The following CARD10 variants were observed in gnomAD, a reference collection of about 807,000 sequenced individuals.
CARD10 encodes caspase recruitment domain-containing protein 10.
Under a neutral mutation model 114.6 loss-of-function variants are expected in CARD10, and 49 were observed. The observed-to-expected ratio is 0.43, with a 90% CI of 0.34 to 0.54. The LOEUF (loss-of-function observed/expected upper bound fraction) is 0.54. Among genes scored for constraint, CARD10 ranks in the 20% least tolerant of loss-of-function variants. The pLI is 0.03. For synonymous variants in CARD10, 602 were observed against 593.2 expected, an observed-to-expected ratio of 1.01 and a Z score of -0.21; for missense variants, 1,206 against 1,397.2, an observed-to-expected ratio of 0.86 and a Z score of 2.18.
At chr22:37,498,561 G>A (rs1300290246) in intron 11 of CARD10, among the ~76,000 whole-genome samples, 5 of 152,178 alleles carry the variant, frequency 3.3e-5, no homozygotes, top group African/African-American at 9.7e-5. Flanking sequence ...GGGAGGGCGC[G>A]GCTGCAAGGA....
At chr22:37,508,495 G>C (rs754455769) in intron 5 of CARD10, 32 bp downstream of exon 5, 1 of 1,557,368 alleles carries the variant, frequency 6.4e-7, no homozygotes, top group South Asian at 1.2e-5. Context: ...ACACCCTCCC[G>C]CACAAGGGGC....
intron 9 of CARD10, among the ~76,000 whole-genome samples, chr22:37,503,828 C>T (rs773313570): frequency 2.0e-5 from 3 of 152,196 alleles, no homozygotes; most frequent in Admixed American, 6.5e-5. Flanking sequence ...AAACCTGGGG[C>T]CTGGCTTTCT....
Position 37,515,563 on chromosome 22 carries a change from CAA to C in CARD10, c.699+408_699+409del, listed in dbSNP as rs754752709. Among the ~76,000 whole-genome samples the C allele has an allele frequency of 9.5e-3, 697 of 73,680 alleles. 3 individuals are homozygous for C. The highest frequency in any genetic ancestry group is 0.027 in the East Asian group (64 of 2,384). The allele number at this position is 73,680 out of a possible 152,430, so 48.3% of individuals were successfully genotyped here. A position where few individuals can be genotyped will look rare whatever the true frequency, so the allele number is the denominator to read the frequency against. On this transcript the variant is annotated intron_variant, in intron 3 of 19. Coordinates refer to ENST00000251973, the MANE Select transcript of CARD10 (RefSeq NM_014550.4). ...GGGCAACAAGGGTGAGACTCCATCT[CAA>C]AAAAAAAAAAAAAAAAAACAACTTA...
At chr22:37,498,218 G>A (rs1359530561) in intron 11 of CARD10, among the ~76,000 whole-genome samples, 1 of 152,176 alleles carries the variant, frequency 6.6e-6, no homozygotes, top group African/African-American at 2.4e-5. Context: ...CAGCTCCCAG[G>A]AAAGGCAAGC....
chr22:37,495,493 C>G (rs771948588), intron 15 of CARD10, 24 bp downstream of exon 15: 67 of 1,591,348 alleles, frequency 4.2e-5, no homozygotes, highest in Non-Finnish European at 5.6e-5. Flanking sequence ...GCCCCCCACC[C>G]ACTACCTGCC....
rs1923004075 is a variant in CARD10, at chr22:37,496,381, C to T, written c.2059+68G>A. 2.2e-5 allele frequency: 26 copies of T among 1,177,632 alleles called. No homozygotes were observed. Among genetic ancestry groups the T allele is most frequent in the Non-Finnish European group, 3.2e-5 (26 of 811,006 alleles). The allele number at this position is 1,177,632 out of a possible 1,614,324, so 72.9% of individuals were successfully genotyped here. ...CCTTCTCAGGTCCTTGGTCCCTCCCCACCCCATGCACCACGGGTTAGAGGA... is the reference window on the plus strand; with the variant it reads ...CCTTCTCAGGTCCTTGGTCCCTCCCTACCCCATGCACCACGGGTTAGAGGA... On this transcript the variant is annotated intron_variant, in intron 13 of 19. Transcript: ENST00000251973. The surrounding 1 kb of genome is among the most constrained non-coding windows in gnomAD (Gnocchi z 4.1).
chr22:37,512,746 G>A (rs1006999410), intron 3 of CARD10, among the ~76,000 whole-genome samples: 5 of 152,096 alleles, frequency 3.3e-5, no homozygotes, highest in African/African-American at 9.7e-5. Context: ...CTGGCCAGCC[G>A]GCTTCCCTGA....
rs774723864 is a variant in CARD10 at position 37,518,130 on chromosome 22, T to C, written c.236-22A>G. 2.6e-5 allele frequency: 42 copies of C among 1,608,482 alleles called. 1 individual carries two copies. Among genetic ancestry groups the C allele is most frequent in the Middle Eastern group, 1.7e-4 (1 of 6,050 alleles). On this transcript the variant is annotated intron_variant, in intron 1 of 19. Coordinates refer to ENST00000251973, the MANE Select transcript of CARD10 (RefSeq NM_014550.4). ...CGCCCTACAGAGTAGTGGGGGGATG[T>C]ACCCAGGGTCTAGGGGAAGGCCTCC... is the stretch of plus-strand genomic sequence containing the variant.
At position 37,502,077 on chromosome 22, in the gene CARD10, G is replaced by A. The variant is rs978944782; in HGVS notation, c.1787+525C>T. On this transcript the variant is annotated intron_variant, in intron 11 of 19. Coordinates refer to ENST00000251973, the MANE Select transcript of CARD10 (RefSeq NM_014550.4). ...GCACCGGCCACACTAACAGCACGTC[G>A]CCTACAGTGCACTCTGCACTAATGG... Among the ~76,000 whole-genome samples the A allele has an allele frequency of 3.9e-5, 6 of 152,164 alleles. No homozygotes were observed. The South Asian group carries it at 6.2e-4, about 16-fold the overall frequency.
At chr22:37,504,504 A>G in intron 8 of CARD10, 131 bp downstream of exon 8, 1 of 1,385,160 alleles carries the variant, frequency 7.2e-7, no homozygotes, top group Non-Finnish European at 9.6e-7. Context: ...GGTGAGCTTC[A>G]GTAAAGTACT....
intron 4 of CARD10, among the ~76,000 whole-genome samples, chr22:37,509,472 C>T (rs930427124): frequency 6.6e-6 from 1 of 152,092 alleles, no homozygotes; most frequent in Non-Finnish European, 1.5e-5. Flanking sequence ...AAGAGGCTAC[C>T]GGGACTCCAT....
intron 3 of CARD10, among the ~76,000 whole-genome samples, chr22:37,511,446 AG>A: frequency 7.4e-6 from 1 of 134,590 alleles, no homozygotes; most frequent in South Asian, 2.7e-4. Flanking sequence ...TAGAAGGAGA[AG>A]GAGGAGGAGG....
rs35832225 is a variant in CARD10 at position 37,504,241 on chromosome 22, T to TG, written c.1578dup (p.Ser527GlnfsTer11). 2.3e-5 allele frequency: 37 copies of TG among 1,578,652 alleles called. No homozygotes were observed. Among genetic ancestry groups the TG allele is most frequent in the East Asian group, 2.3e-5 (1 of 43,470 alleles). ...TGCCGGCGGAGGATGGAGCCGGCAC[T>TG]GGGGGGGAAGGGCAGGATGGAGAGC... On this transcript the variant is annotated frameshift_variant, in exon 9 of 20. Coordinates refer to ENST00000251973, the MANE Select transcript of CARD10 (RefSeq NM_014550.4). LOFTEE classifies it high-confidence loss of function.
Position 37,519,177 on chromosome 22 carries a change from C to T in CARD10, c.24G>A (p.Gly8=), listed in dbSNP as rs1196345945. ...CGGCCCCGGCCTCCTCCTCGGCCTCCCCCGCCTCCGCCCGGCCCGGCATGG... is the reference window on the plus strand; with the variant it reads ...CGGCCCCGGCCTCCTCCTCGGCCTCTCCCGCCTCCGCCCGGCCCGGCATGG... The part of the protein sequence containing the change: MPGRAEA[G]EAEEEAGAGS... Residue 8 remains glycine (G), a synonymous_variant, in exon 1 of 20, where the codon GGG becomes GGA. Coordinates refer to ENST00000251973, the MANE Select transcript of CARD10 (RefSeq NM_014550.4). The surrounding 1 kb of genome is among the most constrained non-coding windows in gnomAD (Gnocchi z 4.1). The T allele has an allele frequency of 1.3e-6, 2 of 1,534,646 alleles. No individual in the cohort carries two copies. The highest frequency in any genetic ancestry group is 4.9e-5 in the East Asian group (2 of 40,922).
intron 4 of CARD10, among the ~76,000 whole-genome samples, chr22:37,509,580 C>A (rs1462888100): frequency 6.6e-6 from 1 of 151,966 alleles, no homozygotes; most frequent in Non-Finnish European, 1.5e-5. Flanking sequence ...CTGACCCCCA[C>A]CCCCACTCCA....
intron 19 of CARD10, 125 bp from the exon 20 acceptor site, chr22:37,491,518 T>C (rs1161886423): frequency 4.7e-6 from 1 of 212,672 alleles, no homozygotes; most frequent in South Asian, 1.7e-4. Context: ...GAGAGACAGA[T>C]GGCAGATGGA....
Position 37,506,317 on chromosome 22 carries a change from G to C in CARD10, c.1258C>G (p.Arg420Gly), listed in dbSNP as rs748488870. Residue 420 changes from arginine to glycine, a missense_variant, in exon 7 of 20, where the codon CGC becomes GGC. By Grantham distance (125) the Arg-to-Gly change is moderately radical (BLOSUM62 -2). Coordinates refer to ENST00000251973, the MANE Select transcript of CARD10 (RefSeq NM_014550.4). ...GCCTCCAGGCCCCGCACCTGCTTGCGGTACTGGTCCTTCTCGATGAGGCTC... is the reference window on the plus strand; with the variant it reads ...GCCTCCAGGCCCCGCACCTGCTTGCCGTACTGGTCCTTCTCGATGAGGCTC... ...SQSLIEKDQY[R>G]KQVRGLEAER... 4 of 1,610,014 alleles carry C rather than the reference G, an allele frequency of 2.5e-6. No individual in the cohort carries two copies. Among genetic ancestry groups the C allele is most frequent in the Non-Finnish European group, 1.7e-6 (2 of 1,178,136 alleles).
rs1923025873 is a variant in CARD10, at chr22:37,496,956, G to A, written c.1947+63C>T. ...CGGTGATCTTGATCCACCAAATTAA[G>A]GGATGTCCAGCCTGGGCAAAAGCAC... On this transcript the variant is annotated intron_variant, in intron 12 of 19. Coordinates refer to ENST00000251973, the MANE Select transcript of CARD10 (RefSeq NM_014550.4). The surrounding 1 kb of genome is among the most constrained non-coding windows in gnomAD (Gnocchi z 4.1). 6.6e-7 allele frequency: 1 copy of A among 1,503,844 alleles called. No homozygotes were observed. The highest frequency in any genetic ancestry group is 8.9e-7 in the Non-Finnish European group (1 of 1,121,786). 93.2% of individuals were successfully genotyped at this position (1,503,844 alleles called of 1,614,324 possible).
chr22:37,513,834 T>G (rs1923744737), intron 3 of CARD10, among the ~76,000 whole-genome samples: 1 of 152,204 alleles, frequency 6.6e-6, no homozygotes, highest in South Asian at 2.1e-4. Context: ...ACACAGTGGC[T>G]CATGCCTGTA....
Sources: gnomAD v4.1 joint callset for allele counts (sites outside exome capture counted in the v4.1 genomes callset) on GRCh38, gnomAD v4.1.1 for gene constraint, Gnocchi (gnomAD v3.1) non-coding constraint, MANE v1.5 for transcripts, NCBI Gene and HGNC (gene_info 2026-07-23, HGNC 2026-07-21) for gene names.